Variants in PARD3B observed in about 807,000 individuals in gnomAD.
PARD3B encodes par-3 family cell polarity regulator beta, also known as partitioning defective 3 homolog B.
In PARD3B, 103 loss-of-function variants were observed where a neutral mutation model predicts 130.2. The observed-to-expected ratio is 0.79, with a 90% CI of 0.67 to 0.93. PARD3B has a LOEUF of 0.93. PARD3B is among the 40% of genes least tolerant of loss of function. The pLI is 0.00. For missense variants in PARD3B, 1,609 were observed against 1,499.2 expected (o/e 1.07, Z -1.21); for synonymous variants, 583 against 553.2 (o/e 1.05, Z -0.76).
In PARD3B at chr2:205,440,245, C is replaced by G; in HGVS notation, c.2742-125C>G. ...TGTTGGCATTTCTGCATGCTGTGAT[C>G]TTGAGTAAACAGGAGAATGACAGCT... On this transcript the variant is annotated intron_variant, in intron 19 of 22. Coordinates refer to ENST00000406610, the MANE Select transcript of PARD3B (RefSeq NM_001302769.2). The surrounding 1 kb of genome is among the most constrained non-coding windows in gnomAD (Gnocchi z 4.2). 1 of 928,784 alleles carries G rather than the reference C, an allele frequency of 1.1e-6. No individual in the cohort carries two copies. The highest frequency in any genetic ancestry group is 1.6e-6 in the Non-Finnish European group (1 of 619,704). 57.5% of individuals were successfully genotyped at this position (928,784 alleles called of 1,614,324 possible).
At chr2:205,129,293 C>T (rs565429868) in intron 10 of PARD3B, among the ~76,000 whole-genome samples, 2 of 152,336 alleles carry the variant, frequency 1.3e-5, no homozygotes, top group Admixed American at 6.5e-5. Context: ...AAATGCCTGC[C>T]TCGAATGCCA....
intron 2 of PARD3B, among the ~76,000 whole-genome samples, chr2:204,937,106 A>T (rs1257463985): frequency 6.6e-6 from 1 of 152,230 alleles, no homozygotes; most frequent in African/African-American, 2.4e-5. Context: ...GGTCCCAATT[A>T]TTCTTAATTG....
chr2:205,156,081 C>T (rs925590054), intron 10 of PARD3B, among the ~76,000 whole-genome samples: 3 of 151,924 alleles, frequency 2.0e-5, no homozygotes, highest in Admixed American at 2.0e-4. Context: ...ACTATGCAGC[C>T]ATAAAAAATG....
At chr2:204,862,109 A>G (rs982485962) in intron 2 of PARD3B, among the ~76,000 whole-genome samples, 2 of 152,142 alleles carry the variant, frequency 1.3e-5, no homozygotes, top group Non-Finnish European at 2.9e-5. Flanking sequence ...GTGGAAAATT[A>G]TGTTTCAAAT....
chr2:205,431,758 C>G (rs1290329291), intron 19 of PARD3B, among the ~76,000 whole-genome samples: 1 of 152,042 alleles, frequency 6.6e-6, no homozygotes, highest in African/African-American at 2.4e-5. Context: ...CGTGAGCCAC[C>G]GCGACTGGCC....
At chr2:204,737,206 C>T (rs569167128) in intron 2 of PARD3B, among the ~76,000 whole-genome samples, 3 of 152,176 alleles carry the variant, frequency 2.0e-5, no homozygotes, top group Non-Finnish European at 2.9e-5. Flanking sequence ...TCAGGTGATC[C>T]GCCTGCCTGG....
intron 2 of PARD3B, among the ~76,000 whole-genome samples, chr2:204,728,566 T>C (rs1318557215): frequency 6.6e-6 from 1 of 152,178 alleles, no homozygotes; most frequent in South Asian, 2.1e-4. Flanking sequence ...CATTACATGA[T>C]ACCTATTTGT....
chr2:204,761,569 G>A (rs2040897803), intron 2 of PARD3B, among the ~76,000 whole-genome samples: 1 of 148,988 alleles, frequency 6.7e-6, no homozygotes, highest in African/African-American at 2.5e-5. Context: ...TTTTAAATAA[G>A]GGGAGCTTGC....
chr2:204,937,842 C>T (rs1408186677), intron 2 of PARD3B, among the ~76,000 whole-genome samples: 5 of 152,110 alleles, frequency 3.3e-5, no homozygotes, highest in Admixed American at 6.6e-5. Context: ...GTAATAAATG[C>T]TAATTCTCCT....
chr2:205,607,868 A>C (rs1411811019), intron 22 of PARD3B, among the ~76,000 whole-genome samples: 2 of 151,652 alleles, frequency 1.3e-5, no homozygotes, highest in Non-Finnish European at 2.9e-5. Context: ...ACACACACAC[A>C]CACACACACA....
intron 21 of PARD3B, among the ~76,000 whole-genome samples, chr2:205,509,151 C>T (rs1309816989): frequency 1.3e-5 from 2 of 151,908 alleles, no homozygotes; most frequent in African/African-American, 4.8e-5. Flanking sequence ...CAGTCCCCAA[C>T]ATAGAAATAA....
chr2:205,078,784 T>C lies in PARD3B; in HGVS notation c.505-25642T>C, dbSNP rs1701223926. On this transcript the variant is annotated intron_variant, in intron 4 of 22. Transcript: ENST00000406610. The surrounding 1 kb of genome is among the most constrained non-coding windows in gnomAD (Gnocchi z 4.0). The stretch of plus-strand genomic sequence containing the variant: ...TACCTGTGGCTTCCATCTGATTCCC[T>C]TGGGCATTTGCTCTGGGACAAGCCA... 6.6e-6 allele frequency among the ~76,000 whole-genome samples: 1 copy of C among 152,198 alleles called. No homozygotes were observed. The highest frequency in any genetic ancestry group is 2.4e-5 in the African/African-American group (1 of 41,450).
intron 2 of PARD3B, among the ~76,000 whole-genome samples, chr2:204,922,005 T>G (rs2047699669): frequency 6.6e-6 from 1 of 152,112 alleles, no homozygotes; most frequent in African/African-American, 2.4e-5. Context: ...AGCAAGTTTC[T>G]GCATGGAACA....
chr2:205,112,197 A>T (rs1380382075), intron 5 of PARD3B, among the ~76,000 whole-genome samples: 2 of 152,084 alleles, frequency 1.3e-5, no homozygotes, highest in Admixed American at 1.3e-4. Context: ...GGCAAAACTC[A>T]CTTGAAATTT....
chr2:205,454,082 C>CAGTA (rs2048193055), intron 20 of PARD3B, among the ~76,000 whole-genome samples: 1 of 152,100 alleles, frequency 6.6e-6, no homozygotes, highest in African/African-American at 2.4e-5. Flanking sequence ...CTCAAGGCTG[C>CAGTA]GGGGTACAAA....
chr2:204,943,827 A>G lies in PARD3B; in HGVS notation c.223-21325A>G, dbSNP rs1034555969. On this transcript the variant is annotated intron_variant, in intron 2 of 22. Coordinates refer to ENST00000406610, the MANE Select transcript of PARD3B (RefSeq NM_001302769.2). This position sits in a 1 kb window ranked among gnomAD's most constrained non-coding sequence, Gnocchi z 4.2. The stretch of plus-strand genomic sequence containing the variant: ...TGCAAATTAGGGAGACTGAGGCAAC[A>G]AAGTTATATATAACACTAGAAAACT... Among the ~76,000 whole-genome samples the G allele has an allele frequency of 1.3e-5, 2 of 152,210 alleles. No homozygotes were observed. The highest frequency in any genetic ancestry group is 4.8e-5 in the African/African-American group (2 of 41,458).
chr2:204,713,461 A>G (rs1292197397), intron 2 of PARD3B, among the ~76,000 whole-genome samples: 1 of 150,924 alleles, frequency 6.6e-6, no homozygotes, highest in South Asian at 2.1e-4. Context: ...GGCATTAAGA[A>G]CATTCACATT....
chr2:205,410,139 T>C (rs555173942), intron 19 of PARD3B, among the ~76,000 whole-genome samples: 1 of 152,178 alleles, frequency 6.6e-6, no homozygotes, highest in Non-Finnish European at 1.5e-5. Context: ...TTGCATTATG[T>C]TTACCAGTTG....
rs573659229 is a variant in PARD3B at position 205,253,786 on chromosome 2, T to C, written c.2185+7964T>C. 6.6e-6 allele frequency among the ~76,000 whole-genome samples: 1 copy of C among 152,162 alleles called. No homozygotes were observed. Among genetic ancestry groups the C allele is most frequent in the African/African-American group, 2.4e-5 (1 of 41,526 alleles). ...CAGAAAGTGAGAAAAAAGGACCAAGTTGGATCTCCTCCTAACCCTGACCTG... is the reference window on the plus strand; with the variant it reads ...CAGAAAGTGAGAAAAAAGGACCAAGCTGGATCTCCTCCTAACCCTGACCTG... On this transcript the variant is annotated intron_variant, in intron 16 of 22. Coordinates refer to ENST00000406610, the MANE Select transcript of PARD3B (RefSeq NM_001302769.2). The surrounding 1 kb of genome is among the most constrained non-coding windows in gnomAD (Gnocchi z 4.4).
Sources: allele counts gnomAD v4.1 joint callset (sites outside exome capture counted in the v4.1 genomes callset), GRCh38; gene constraint gnomAD v4.1.1; non-coding constraint Gnocchi (gnomAD v3.1); transcripts MANE v1.5; gene names NCBI Gene and HGNC (gene_info 2026-07-23, HGNC 2026-07-21).